Variants in GNAO1 observed in about 807,000 individuals in gnomAD.
GNAO1 encodes the protein G protein subunit alpha o1.
For missense variants in GNAO1, 166 were observed against 478.7 expected (o/e 0.35, Z 6.10); for synonymous variants, 164 against 180.7 (o/e 0.91, Z 0.74).
intron 2 of GNAO1, among the ~76,000 whole-genome samples, chr16:56,234,813 C>G (rs1478471): frequency 6.6e-6 from 1 of 152,084 alleles, no homozygotes; most frequent in Non-Finnish European, 1.5e-5. Flanking sequence ...AGAAAACATT[C>G]TAGCCTTAAA....
intron 2 of GNAO1, among the ~76,000 whole-genome samples, chr16:56,210,418 T>C (rs2036375250): frequency 6.6e-6 from 1 of 152,244 alleles, no homozygotes; most frequent in Non-Finnish European, 1.5e-5. Context: ...TTAAATCCTT[T>C]GGGTAAATAC....
chr16:56,328,077 G>A (rs1017399443), intron 3 of GNAO1, among the ~76,000 whole-genome samples: 13 of 152,146 alleles, frequency 8.5e-5, no homozygotes, highest in Non-Finnish European at 4.4e-5. Context: ...GCACAGCCCC[G>A]CTGTGGCCCA....
chr16:56,303,409 C>T (rs2037363569), intron 3 of GNAO1, among the ~76,000 whole-genome samples: 1 of 152,242 alleles, frequency 6.6e-6, no homozygotes, highest in Non-Finnish European at 1.5e-5. Flanking sequence ...ACCAGCGAGG[C>T]TTGCCACACA....
chr16:56,351,064 G>A lies in GNAO1; in HGVS notation c.724-320G>A, dbSNP rs760877780. 6.6e-5 allele frequency among the ~76,000 whole-genome samples: 10 copies of A among 152,326 alleles called. No homozygotes were observed. Among genetic ancestry groups the A allele is most frequent in the Admixed American group, 3.3e-4 (5 of 15,308 alleles). ...GGCACATGCACACAGCCACACACACGTGTGCTGGGAGACCCTCACATAGCT... is the reference window on the plus strand; with the variant it reads ...GGCACATGCACACAGCCACACACACATGTGCTGGGAGACCCTCACATAGCT... On this transcript the variant is annotated intron_variant, in intron 6 of 8. Coordinates refer to ENST00000262493, the MANE Select transcript of GNAO1 (RefSeq NM_020988.3). This position sits in a 1 kb window ranked among gnomAD's most constrained non-coding sequence, Gnocchi z 6.1.
chr16:56,334,749 G>A lies in GNAO1; in HGVS notation c.485G>A (p.Arg162Gln), dbSNP rs1240134140. The A allele has an allele frequency of 3.7e-6, 6 of 1,614,034 alleles. No homozygotes were observed. Among genetic ancestry groups the A allele is most frequent in the Admixed American group, 1.7e-5 (1 of 60,028 alleles). Reference protein sequence around the residue: ...SAKYYLDSLDRIGAADYQPTE... With the variant: ...SAKYYLDSLDQIGAADYQPTE... Reference sequence around the variant, plus strand: ...CTCAGCTACCTGGACAGCCTGGATCGGATTGGGGCCGCCGACTACCAGCCC... The same window carrying A: ...CTCAGCTACCTGGACAGCCTGGATCAGATTGGGGCCGCCGACTACCAGCCC... Residue 162 changes from arginine to glutamine, a missense_variant, in exon 5 of 9, where the codon CGG (arginine) becomes CAG (glutamine). Coordinates refer to ENST00000262493, the MANE Select transcript of GNAO1 (RefSeq NM_020988.3).
At chr16:56,247,384 G>A (rs1258287921) in intron 2 of GNAO1, among the ~76,000 whole-genome samples, 1 of 151,974 alleles carries the variant, frequency 6.6e-6, no homozygotes, top group Non-Finnish European at 1.5e-5. Context: ...TCTCCACTCA[G>A]CTGTACTTCC....
intron 3 of GNAO1, among the ~76,000 whole-genome samples, chr16:56,299,491 C>A (rs1308029718): frequency 2.6e-5 from 4 of 152,186 alleles, no homozygotes; most frequent in African/African-American, 9.6e-5. Context: ...CTCACCCTTG[C>A]CCCAGCCCCA....
chr16:56,323,046 TG>T (rs1323438878), intron 3 of GNAO1, among the ~76,000 whole-genome samples: 2 of 151,784 alleles, frequency 1.3e-5, no homozygotes, highest in African/African-American at 4.8e-5. Flanking sequence ...AGCAGGGAGG[TG>T]GGCTTCCCTA....
chr16:56,249,154 G>A (rs1171902064), intron 2 of GNAO1, among the ~76,000 whole-genome samples: 4 of 148,594 alleles, frequency 2.7e-5, no homozygotes, highest in African/African-American at 1.1e-4. Flanking sequence ...ATGTAGGTGT[G>A]AGAGAAAGAG....
intron 3 of GNAO1, among the ~76,000 whole-genome samples, chr16:56,279,356 A>T (rs1443924871): frequency 2.0e-5 from 3 of 152,104 alleles, no homozygotes; most frequent in African/African-American, 7.2e-5. Flanking sequence ...CGTGAGCCTG[A>T]ACCTGAAAGA....
intron 6 of GNAO1, among the ~76,000 whole-genome samples, chr16:56,349,903 G>A (rs2037905502): frequency 6.6e-6 from 1 of 152,236 alleles, no homozygotes; most frequent in Admixed American, 6.5e-5. Flanking sequence ...GCTGCTGTTA[G>A]TATCGATTCC....
chr16:56,267,756 C>T (rs1016033309), intron 2 of GNAO1, among the ~76,000 whole-genome samples: 4 of 152,172 alleles, frequency 2.6e-5, no homozygotes, highest in African/African-American at 7.2e-5. Flanking sequence ...GCAAGCTCCA[C>T]AAGGGCAGGG....
At chr16:56,305,837 C>T (rs1297280701) in intron 3 of GNAO1, among the ~76,000 whole-genome samples, 1 of 152,208 alleles carries the variant, frequency 6.6e-6, no homozygotes, top group Non-Finnish European at 1.5e-5. Flanking sequence ...TCCCCATCTT[C>T]ACATGGCCTT....
chr16:56,353,893 C>T lies in GNAO1; in HGVS notation c.878-973C>T, dbSNP rs113087948. ...CTGTCCCAACCCCCTGCCCCTTGCC[C>T]CTTGTACACCCAAGGAATTGGTGGG... On this transcript the variant is annotated intron_variant, in intron 7 of 8. Transcript: ENST00000262493. Among the ~76,000 whole-genome samples the T allele has an allele frequency of 7.2e-3, 1,103 of 152,356 alleles. 5 individuals carry two copies. Among genetic ancestry groups the T allele is most frequent in the Non-Finnish European group, 0.012 (801 of 68,024 alleles).
At chr16:56,314,988 G>A (rs368650062) in intron 3 of GNAO1, among the ~76,000 whole-genome samples, 47 of 152,268 alleles carry the variant, frequency 3.1e-4, no homozygotes, top group African/African-American at 9.6e-4. Flanking sequence ...TGGAAGCAAC[G>A]TGATCTGCAC....
At chr16:56,344,111 C>G (rs1244303766) in intron 6 of GNAO1, 1 of 1,451,610 alleles carries the variant, frequency 6.9e-7, no homozygotes, top group East Asian at 2.5e-5. Flanking sequence ...CACCCGCACC[C>G]CCCAACAGAA....
At chr16:56,221,995 A>T (rs1161512712) in intron 2 of GNAO1, among the ~76,000 whole-genome samples, 1 of 152,200 alleles carries the variant, frequency 6.6e-6, no homozygotes, top group Non-Finnish European at 1.5e-5. Flanking sequence ...GCTAGGTGGG[A>T]TGTTGAGGGA....
At chr16:56,324,506 C>G (rs137977547) in intron 3 of GNAO1, among the ~76,000 whole-genome samples, 1 of 152,216 alleles carries the variant, frequency 6.6e-6, no homozygotes, top group African/African-American at 2.4e-5. Context: ...CAAGATTGCC[C>G]GAGGTCAGCC....
chr16:56,209,367 T>G (rs1400940923), intron 2 of GNAO1, among the ~76,000 whole-genome samples: 1 of 152,234 alleles, frequency 6.6e-6, no homozygotes, highest in Non-Finnish European at 1.5e-5. Flanking sequence ...ATGATAGCTT[T>G]GTAACATGTC....
Sources: gnomAD v4.1 joint callset for allele counts (sites outside exome capture counted in the v4.1 genomes callset) on GRCh38, gnomAD v4.1.1 for gene constraint, Gnocchi (gnomAD v3.1) non-coding constraint, MANE v1.5 for transcripts, NCBI Gene and HGNC (gene_info 2026-07-23, HGNC 2026-07-21) for gene names.